Variants in TXNDC9 observed in about 807,000 individuals in gnomAD.
The protein encoded by TXNDC9 is thioredoxin domain containing 9.
Under a neutral mutation model 23.0 loss-of-function variants are expected in TXNDC9, and 7 were observed. The ratio of observed to expected loss-of-function variants is 0.30; its 90% CI spans 0.17 to 0.57. The LOEUF (loss-of-function observed/expected upper bound fraction) is 0.57. TXNDC9 is among the 20% of genes least tolerant of loss of function. The pLI, the probability that TXNDC9 is intolerant of heterozygous loss-of-function variation, is 0.90. For synonymous variants in TXNDC9, 72 were observed against 90.6 expected (o/e 0.79, Z 1.17); for missense variants, 198 against 252.6 (o/e 0.78, Z 1.47).
chr2:99,325,634 A>G (rs1449182733), intron 3 of TXNDC9, among the ~76,000 whole-genome samples: 2 of 152,216 alleles, frequency 1.3e-5, no homozygotes, highest in African/African-American at 4.8e-5. Context: ...CTTTAGGGCT[A>G]TGATCCCAGA....
chr2:99,309,603 G>A, the TXNDC9 span, among the ~76,000 whole-genome samples: 20 of 151,990 alleles, frequency 1.3e-4, no homozygotes, highest in African/African-American at 4.1e-4. Flanking sequence ...GGAGGCTGAG[G>A]TAGGTGGATC....
the TXNDC9 span, among the ~76,000 whole-genome samples, chr2:99,308,183 G>C: frequency 6.6e-6 from 1 of 152,130 alleles, no homozygotes; most frequent in African/African-American, 2.4e-5. Flanking sequence ...AGCAGGCACA[G>C]AGGACGCACT....
At chr2:99,311,749 G>A in the TXNDC9 span, among the ~76,000 whole-genome samples, 7 of 152,222 alleles carry the variant, frequency 4.6e-5, no homozygotes, top group Non-Finnish European at 8.8e-5. Context: ...TTACAGGCAT[G>A]AGCCAGCATG....
the TXNDC9 span, among the ~76,000 whole-genome samples, chr2:99,308,234 A>G: frequency 6.6e-5 from 10 of 152,172 alleles, no homozygotes; most frequent in East Asian, 1.9e-3. Context: ...GTCTCTATGC[A>G]GGGAAGATTT....
chr2:99,323,788 T>C (rs2094207613), intron 3 of TXNDC9, among the ~76,000 whole-genome samples: 1 of 152,150 alleles, frequency 6.6e-6, no homozygotes, highest in African/African-American at 2.4e-5. Context: ...AACAGACTAT[T>C]GTAACAATCT....
At chr2:99,327,770 G>GTTT in intron 2 of TXNDC9, 117 bp from the exon 3 acceptor site, 1 of 474,364 alleles carries the variant, frequency 2.1e-6, no homozygotes, top group Non-Finnish European at 3.6e-6. Context: ...AAAAAAAAAA[G>GTTT]TTTTTTTTTT....
At chr2:99,330,028 G>A (rs1177036331) in intron 2 of TXNDC9, among the ~76,000 whole-genome samples, 2 of 150,390 alleles carry the variant, frequency 1.3e-5, no homozygotes, top group South Asian at 2.1e-4. Flanking sequence ...AGTGGCTCAC[G>A]CCTGTAATAC....
chr2:99,312,474 G>A, the TXNDC9 span, among the ~76,000 whole-genome samples: 11 of 147,414 alleles, frequency 7.5e-5, no homozygotes, highest in South Asian at 2.1e-3. Context: ...TACAGCCTGG[G>A]CAACAGAATG....
At chr2:99,310,332 G>A in the TXNDC9 span, among the ~76,000 whole-genome samples, 3 of 152,160 alleles carry the variant, frequency 2.0e-5, no homozygotes, top group South Asian at 2.1e-4. Context: ...CTGGAATGCA[G>A]TGGCCCAATC....
chr2:99,323,334 G>A (rs567477624), intron 3 of TXNDC9, among the ~76,000 whole-genome samples: 4 of 152,222 alleles, frequency 2.6e-5, no homozygotes, highest in Admixed American at 6.5e-5. Flanking sequence ...TTGAACCTGG[G>A]AGGTGGAGGC....
At chr2:99,312,341 C>T in the TXNDC9 span, among the ~76,000 whole-genome samples, 2,680 of 151,804 alleles carry the variant, frequency 0.018, 17 homozygotes, top group Middle Eastern at 0.027. Flanking sequence ...ACTAAAAATA[C>T]GAAAAATTAG....
Position 99,319,621 on chromosome 2 carries a change from T to TAA in TXNDC9, c.*59_*60dup. The TAA allele has an allele frequency of 7.7e-7, 1 of 1,304,850 alleles. No homozygotes were observed. The highest frequency in any genetic ancestry group is 1.1e-6 in the Non-Finnish European group (1 of 924,120). The allele number at this position is 1,304,850 out of a possible 1,614,324, so 80.8% of individuals were successfully genotyped here. A position where few individuals can be genotyped will look rare whatever the true frequency, so the allele number is the denominator to read the frequency against. ...CAATGTATAGACATTAATAGAATTTTAAAAACACATTTAAATCTGAAGCAG... is the reference window on the plus strand; with the variant it reads ...CAATGTATAGACATTAATAGAATTTTAAAAAAACACATTTAAATCTGAAGCAG... On this transcript the variant is annotated 3_prime_UTR_variant, in exon 5 of 5. Transcript: ENST00000264255.
chr2:99,322,437 A>T, intron 3 of TXNDC9: 1 of 1,260,304 alleles, frequency 7.9e-7, no homozygotes, highest in Non-Finnish European at 1.1e-6. Flanking sequence ...GATTTGCATT[A>T]ATGATATTCT....
chr2:99,314,192 CTG>C (rs1486295369), downstream of TXNDC9, among the ~76,000 whole-genome samples: 1 of 152,070 alleles, frequency 6.6e-6, no homozygotes, highest in Non-Finnish European at 1.5e-5. Flanking sequence ...GCCTTTAAAA[CTG>C]TGAATCAAGT....
chr2:99,334,700 G>T (rs1229583209), intron 1 of TXNDC9, among the ~76,000 whole-genome samples: 2 of 152,128 alleles, frequency 1.3e-5, no homozygotes, highest in Non-Finnish European at 2.9e-5. Context: ...TTTTGTACTA[G>T]CAATTAGTAC....
At chr2:99,330,151 A>G (rs2094221336) in intron 2 of TXNDC9, among the ~76,000 whole-genome samples, 1 of 151,194 alleles carries the variant, frequency 6.6e-6, no homozygotes. Context: ...TTAGCCGGGC[A>G]TGGTGGCAGG....
rs187095020 is a variant in TXNDC9 at position 99,322,389 on chromosome 2, C to T, written c.309-180G>A. 240 of 1,208,122 alleles carry T rather than the reference C, an allele frequency of 2.0e-4. 2 individuals are homozygous for T. In the Admixed American group the frequency reaches 6.6e-3, roughly 33 times the overall value. The allele number at this position is 1,208,122 out of a possible 1,614,324, so 74.8% of individuals were successfully genotyped here. ...AGATCAGAGGTTAGCTGCCTGATTA[C>T]GAGATGGGAAAACAGCCTATAAGAT... On this transcript the variant is annotated intron_variant, in intron 3 of 4. Coordinates refer to ENST00000264255, the MANE Select transcript of TXNDC9 (RefSeq NM_005783.4).
rs192880703 is a variant in TXNDC9, at chr2:99,324,809, G to A, written c.309-2600C>T. 2.3e-3 allele frequency among the ~76,000 whole-genome samples: 348 copies of A among 152,294 alleles called. 4 individuals are homozygous for A. The highest frequency in any genetic ancestry group is 8.1e-3 in the African/African-American group (338 of 41,556). On this transcript the variant is annotated intron_variant, in intron 3 of 4. Transcript: ENST00000264255. The stretch of plus-strand genomic sequence containing the variant: ...TTGCCAGGCTGGAGTGCAGTGGCAC[G>A]ATCTCAGCTCAATGCAACCTCCGCC...
intron 1 of TXNDC9, among the ~76,000 whole-genome samples, chr2:99,334,868 C>T (rs1287249915): frequency 8.5e-5 from 13 of 152,178 alleles, no homozygotes; most frequent in African/African-American, 1.9e-4. Context: ...CCCGCCACCA[C>T]GCCCGGCTAA....
Sources: allele counts gnomAD v4.1 joint callset (sites outside exome capture counted in the v4.1 genomes callset), GRCh38; gene constraint gnomAD v4.1.1; transcripts MANE v1.5; gene names NCBI Gene and HGNC (gene_info 2026-07-23, HGNC 2026-07-21).